WDR70: variants seen among roughly 807,000 people sequenced by gnomAD.
The protein encoded by WDR70 is WD repeat domain 70.
WDR70 carries 53 observed loss-of-function variants against 88.6 expected under a neutral mutation model. The ratio of observed to expected loss-of-function variants is 0.60; its 90% CI spans 0.48 to 0.75. The LOEUF (loss-of-function observed/expected upper bound fraction) is 0.75. Among genes scored for constraint, WDR70 ranks in the 30% least tolerant of loss-of-function variants. WDR70 has a pLI of 0.00. For synonymous variants in WDR70, 280 were observed against 270.0 expected (o/e 1.04, Z -0.36); for missense variants, 610 against 823.2 (o/e 0.74, Z 3.17).
intron 10 of WDR70, among the ~76,000 whole-genome samples, chr5:37,681,674 C>T (rs181668578): frequency 1.9e-3 from 296 of 152,106 alleles, no homozygotes; most frequent in African/African-American, 6.6e-3. Flanking sequence ...TTTTTTGCAT[C>T]TATTGAGATA....
At chr5:37,499,076 C>T (rs1428196435) in intron 8 of WDR70, among the ~76,000 whole-genome samples, 1 of 151,656 alleles carries the variant, frequency 6.6e-6, no homozygotes, top group Non-Finnish European at 1.5e-5. Flanking sequence ...TTTGCATTCC[C>T]CCATGATGAA....
intron 10 of WDR70, among the ~76,000 whole-genome samples, chr5:37,688,949 G>A (rs1561072163): frequency 6.6e-6 from 1 of 152,154 alleles, no homozygotes; most frequent in Admixed American, 6.5e-5. Context: ...AGCCGTGACA[G>A]ACTGTACCTG....
chr5:37,379,660 G>T (rs1473574258), intron 2 of WDR70, 106 bp downstream of exon 2: 70 of 1,224,762 alleles, frequency 5.7e-5, no homozygotes, highest in Non-Finnish European at 7.2e-5. Context: ...TTGTAGCTCG[G>T]GTGCATACCT....
chr5:37,507,179 A>C (rs1740587811), intron 8 of WDR70, among the ~76,000 whole-genome samples: 1 of 151,964 alleles, frequency 6.6e-6, no homozygotes, highest in Admixed American at 6.6e-5. Flanking sequence ...TTTCATGTAA[A>C]TTTTAGAAGC....
intron 9 of WDR70, among the ~76,000 whole-genome samples, chr5:37,525,333 A>C (rs982161881): frequency 6.6e-6 from 1 of 152,220 alleles, no homozygotes; most frequent in Admixed American, 6.5e-5. Context: ...ACTCACTCAA[A>C]ACCGCTCAAC....
At chr5:37,620,058 C>T (rs530312824) in intron 10 of WDR70, 1 of 151,542 alleles carries the variant, frequency 6.6e-6, no homozygotes, top group Admixed American at 6.6e-5. Flanking sequence ...CTGTGTCATT[C>T]CAATTTTAGT....
chr5:37,734,274 A>C (rs1272335969), intron 17 of WDR70, among the ~76,000 whole-genome samples: 4 of 152,114 alleles, frequency 2.6e-5, no homozygotes, highest in Non-Finnish European at 5.9e-5. Context: ...AAACCTTACA[A>C]AATTTTCCTT....
At chr5:37,513,832 T>G (rs1007415403) in intron 8 of WDR70, among the ~76,000 whole-genome samples, 1 of 152,096 alleles carries the variant, frequency 6.6e-6, no homozygotes, top group African/African-American at 2.4e-5. Flanking sequence ...AGGGTGGGTC[T>G]GCCTTTCCCA....
chr5:37,721,086 T>G (rs1052137984), intron 13 of WDR70, 29 bp from the exon 14 acceptor site: 2 of 1,605,768 alleles, frequency 1.2e-6, no homozygotes, highest in East Asian at 4.5e-5. Flanking sequence ...CTGGCCTCTT[T>G]AGTCAACCAC....
At chr5:37,556,748 A>G in intron 9 of WDR70, among the ~76,000 whole-genome samples, 1 of 152,260 alleles carries the variant, frequency 6.6e-6, no homozygotes, top group South Asian at 2.1e-4. Context: ...CTTGGAGAGC[A>G]GGAACAATGC....
intron 8 of WDR70, among the ~76,000 whole-genome samples, chr5:37,513,014 G>A (rs1740767283): frequency 6.6e-6 from 1 of 151,964 alleles, no homozygotes; most frequent in African/African-American, 2.4e-5. Context: ...AGTTATCTGG[G>A]GTATTCCCTT....
intron 9 of WDR70, among the ~76,000 whole-genome samples, chr5:37,573,615 A>G (rs978720554): frequency 6.9e-6 from 1 of 145,602 alleles, no homozygotes; most frequent in African/African-American, 2.6e-5. Context: ...CCACCTATGA[A>G]TGAGAACATG....
chr5:37,382,042 A>G (rs1748442234), intron 3 of WDR70, among the ~76,000 whole-genome samples: 1 of 152,080 alleles, frequency 6.6e-6, no homozygotes, highest in South Asian at 2.1e-4. Flanking sequence ...GACAAGAGTG[A>G]AATTCCATCT....
At chr5:37,724,240 T>C (rs1269530958) in intron 15 of WDR70, 1 of 152,198 alleles carries the variant, frequency 6.6e-6, no homozygotes, top group Non-Finnish European at 1.5e-5. Context: ...TAAATTCTTA[T>C]AATCTTTTAT....
At chr5:37,658,591 A>C (rs1206316108) in intron 10 of WDR70, among the ~76,000 whole-genome samples, 7 of 152,132 alleles carry the variant, frequency 4.6e-5, no homozygotes, top group Non-Finnish European at 8.8e-5. Flanking sequence ...CCCTAGGCAG[A>C]ATTAGTCACT....
At chr5:37,662,634 C>A (rs1394376644) in intron 10 of WDR70, among the ~76,000 whole-genome samples, 2 of 152,032 alleles carry the variant, frequency 1.3e-5, no homozygotes, top group South Asian at 4.1e-4. Context: ...GGTGTTAGAT[C>A]TTTTTGTTTA....
chr5:37,672,676 A>G (rs776046189), intron 10 of WDR70, among the ~76,000 whole-genome samples: 4 of 152,138 alleles, frequency 2.6e-5, no homozygotes, highest in Non-Finnish European at 5.9e-5. Context: ...CTCCTGCCAC[A>G]TTCCCCTTGC....
At chr5:37,691,779 C>T (rs914779632) in intron 10 of WDR70, among the ~76,000 whole-genome samples, 4 of 151,950 alleles carry the variant, frequency 2.6e-5, no homozygotes, top group African/African-American at 9.7e-5. Flanking sequence ...AAATTGACAC[C>T]CTAACATCAC....
chr5:37,460,709 TA>T (rs1196328827), intron 7 of WDR70, among the ~76,000 whole-genome samples: 3 of 142,536 alleles, frequency 2.1e-5, no homozygotes, highest in African/African-American at 7.6e-5. Flanking sequence ...ACATTAAAAA[TA>T]AAAAATAAAA....
Sources: allele counts gnomAD v4.1 joint callset (sites outside exome capture counted in the v4.1 genomes callset), GRCh38; gene constraint gnomAD v4.1.1; transcripts MANE v1.5; gene names NCBI Gene and HGNC (gene_info 2026-07-23, HGNC 2026-07-21).